CTNNA3: variants seen among roughly 807,000 people sequenced by gnomAD.
CTNNA3 encodes catenin alpha-3.
Under a neutral mutation model 95.7 loss-of-function variants are expected in CTNNA3, and 76 were observed. The observed-to-expected ratio is 0.79, with a 90% CI of 0.66 to 0.96. CTNNA3 has a LOEUF of 0.96. Among genes scored for constraint, CTNNA3 ranks in the 40% least tolerant of loss-of-function variants. The probability of loss-of-function intolerance (pLI) is 0.00; values close to 1 mark genes in which losing one functional copy is unlikely to be tolerated. For missense variants in CTNNA3, 1,191 were observed against 1,089.8 expected, an observed-to-expected ratio of 1.09 and a Z score of -1.31; for synonymous variants, 431 against 374.4, an observed-to-expected ratio of 1.15 and a Z score of -1.74.
chr10:67,727,415 G>A (rs1395021842), intron 1 of CTNNA3, among the ~76,000 whole-genome samples: 1 of 130,324 alleles, frequency 7.7e-6, no homozygotes, highest in Non-Finnish European at 1.6e-5. Context: ...TACGTAAGCT[G>A]TAACTTCAAG....
chr10:67,008,364 A>G (rs902014742), intron 7 of CTNNA3, among the ~76,000 whole-genome samples: 2 of 152,178 alleles, frequency 1.3e-5, no homozygotes, highest in Non-Finnish European at 2.9e-5. Context: ...TACATTGATT[A>G]AAGATTTATA....
intron 7 of CTNNA3, among the ~76,000 whole-genome samples, chr10:67,028,648 T>A (rs1477429889): frequency 2.1e-5 from 3 of 142,256 alleles, no homozygotes. Context: ...TAGTTCTACT[T>A]AAAAAAAAAA....
chr10:67,506,888 G>C (rs989826379), intron 5 of CTNNA3, among the ~76,000 whole-genome samples: 1 of 152,186 alleles, frequency 6.6e-6, no homozygotes, highest in East Asian at 1.9e-4. Context: ...ATACCAGACA[G>C]TCCCATGATC....
At chr10:66,889,469 T>C (rs1027007305) in intron 7 of CTNNA3, among the ~76,000 whole-genome samples, 1 of 152,122 alleles carries the variant, frequency 6.6e-6, no homozygotes, top group African/African-American at 2.4e-5. Context: ...CCTATGTGAG[T>C]GCAGTGTGTA....
intron 5 of CTNNA3, among the ~76,000 whole-genome samples, chr10:67,239,856 A>C (rs1589072994): frequency 6.6e-6 from 1 of 152,148 alleles, no homozygotes; most frequent in Admixed American, 6.5e-5. Context: ...TTGAGGGCTC[A>C]TATTTTTAAA....
rs573398683 is a variant in CTNNA3 at position 66,910,519 on chromosome 10, C to T, written c.1048-134995G>A. ...CTATAAGATGGCATGGAAAAAAAAT[C>T]AGAATTTTATTCTCTAGAATTTTAA... On this transcript the variant is annotated intron_variant, in intron 7 of 17. Coordinates refer to ENST00000433211, the MANE Select transcript of CTNNA3 (RefSeq NM_013266.4). Among the ~76,000 whole-genome samples the T allele has an allele frequency of 3.3e-5, 5 of 152,218 alleles. No homozygotes were observed. In the East Asian group the frequency reaches 9.7e-4, roughly 29 times the overall value.
chr10:66,702,531 C>T (rs1847979421), intron 9 of CTNNA3, among the ~76,000 whole-genome samples: 2 of 151,526 alleles, frequency 1.3e-5, no homozygotes, highest in African/African-American at 4.8e-5. Context: ...ATGGTGAAAC[C>T]CCATCTCTAC....
chr10:67,246,878 A>G (rs1865928101), intron 5 of CTNNA3, among the ~76,000 whole-genome samples: 1 of 152,162 alleles, frequency 6.6e-6, no homozygotes, highest in African/African-American at 2.4e-5. Flanking sequence ...ACAGTTGTCT[A>G]ATTGTCCGGC....
rs980120979 is a variant in CTNNA3, at chr10:67,075,793, A to G, written c.1047+104524T>C. 2.0e-5 allele frequency among the ~76,000 whole-genome samples: 3 copies of G among 152,352 alleles called. No individual in the cohort carries two copies. The East Asian group carries it at 5.8e-4, about 29-fold the overall frequency. On this transcript the variant is annotated intron_variant, in intron 7 of 17. Coordinates refer to ENST00000433211, the MANE Select transcript of CTNNA3 (RefSeq NM_013266.4). ...AGGCTAAAAATTAACTCACACATTC[A>G]AAGCCATCTATTTTTAAAATGCATG...
intron 13 of CTNNA3, among the ~76,000 whole-genome samples, chr10:66,105,738 A>G (rs1260130730): frequency 6.6e-6 from 1 of 152,194 alleles, no homozygotes; most frequent in Non-Finnish European, 1.5e-5. Flanking sequence ...TCTTCTTTTC[A>G]TGAACAAAAT....
intron 1 of CTNNA3, among the ~76,000 whole-genome samples, chr10:67,728,229 G>A (rs186776015): frequency 4.0e-5 from 6 of 148,632 alleles, no homozygotes; most frequent in African/African-American, 1.5e-4. Flanking sequence ...CAAGGCAGGA[G>A]GATCACTTGA....
At chr10:66,677,963 T>TA (rs1216592708) in intron 9 of CTNNA3, among the ~76,000 whole-genome samples, 1 of 152,092 alleles carries the variant, frequency 6.6e-6, no homozygotes, top group Non-Finnish European at 1.5e-5. Flanking sequence ...ACTTTCTATG[T>TA]AAAAAACAGA....
At chr10:66,470,422 T>A (rs1051428554) in intron 11 of CTNNA3, among the ~76,000 whole-genome samples, 103 of 151,986 alleles carry the variant, frequency 6.8e-4, no homozygotes, top group Non-Finnish European at 5.2e-4. Context: ...CAAGCATTAA[T>A]TTATAGCAAT....
intron 7 of CTNNA3, among the ~76,000 whole-genome samples, chr10:66,936,569 C>G (rs1446450505): frequency 2.6e-5 from 4 of 151,938 alleles, no homozygotes; most frequent in African/African-American, 9.7e-5. Flanking sequence ...TCTAGAATTC[C>G]CAATCAAATG....
intron 15 of CTNNA3, among the ~76,000 whole-genome samples, chr10:66,058,280 C>T (rs2080124650): frequency 6.6e-6 from 1 of 152,116 alleles, no homozygotes; most frequent in African/African-American, 2.4e-5. Context: ...TCCTCCCTCC[C>T]TCGCTTCATT....
chr10:66,812,631 T>C (rs1841925741), intron 7 of CTNNA3, among the ~76,000 whole-genome samples: 1 of 152,156 alleles, frequency 6.6e-6, no homozygotes, highest in African/African-American at 2.4e-5. Flanking sequence ...AATACGTTAG[T>C]ACATAAAAAG....
At chr10:66,270,228 G>T (rs946465072) in intron 13 of CTNNA3, among the ~76,000 whole-genome samples, 2 of 151,430 alleles carry the variant, frequency 1.3e-5, no homozygotes, top group Non-Finnish European at 2.9e-5. Context: ...ATTTTTTGGG[G>T]GGGGGGGCAG....
intron 3 of CTNNA3, among the ~76,000 whole-genome samples, chr10:67,566,687 C>A (rs1398533031): frequency 6.6e-6 from 1 of 151,958 alleles, no homozygotes; most frequent in African/African-American, 2.4e-5. Context: ...ACCCAAAGGA[C>A]TATAAATCAT....
At chr10:67,362,805 A>G (rs1052217215) in intron 5 of CTNNA3, among the ~76,000 whole-genome samples, 3 of 152,004 alleles carry the variant, frequency 2.0e-5, no homozygotes, top group Admixed American at 2.0e-4. Flanking sequence ...AGAAAAAAAA[A>G]AAAATCAAAC....
Sources: allele counts gnomAD v4.1 joint callset (sites outside exome capture counted in the v4.1 genomes callset), GRCh38; gene constraint gnomAD v4.1.1; transcripts MANE v1.5; gene names NCBI Gene and HGNC (gene_info 2026-07-23, HGNC 2026-07-21).